KDM6A: variants seen among roughly 807,000 people sequenced by gnomAD.
KDM6A encodes lysine demethylase 6A.
In KDM6A, 11 loss-of-function variants were observed where a neutral mutation model predicts 117.6. The observed-to-expected ratio is 0.09, with a 90% CI of 0.06 to 0.15. The LOEUF (loss-of-function observed/expected upper bound fraction) is 0.15. KDM6A is among the 10% of genes least tolerant of loss of function. The probability of loss-of-function intolerance (pLI) is 1.00; values close to 1 mark genes in which losing one functional copy is unlikely to be tolerated. For synonymous variants in KDM6A, 384 were observed against 396.1 expected (o/e 0.97, Z 0.36); for missense variants, 799 against 1,077.3 (o/e 0.74, Z 3.62).
At chrX:45,044,088 A>T (rs776486151) in intron 8 of KDM6A, among the ~76,000 whole-genome samples, 14 of 112,290 alleles carry the variant, frequency 1.2e-4, no homozygotes, top group African/African-American at 4.5e-4. Flanking sequence ...TATAGCTTAG[A>T]TGTGTAGTAG....
At chrX:44,957,371 A>G (rs1281430182) in intron 2 of KDM6A, among the ~76,000 whole-genome samples, 1 of 112,097 alleles carries the variant, frequency 8.9e-6, no homozygotes, top group Non-Finnish European at 1.9e-5. Context: ...TTAGCAAGGC[A>G]CTGACCAAGT....
At chrX:45,066,100 G>T (rs1443301142) in intron 17 of KDM6A, among the ~76,000 whole-genome samples, 1 of 111,977 alleles carries the variant, frequency 8.9e-6, no homozygotes, top group African/African-American at 3.2e-5. Flanking sequence ...ATATGATACT[G>T]GGTGACCCAC....
intron 8 of KDM6A, among the ~76,000 whole-genome samples, chrX:45,050,850 A>G (rs2043809832): frequency 1.8e-5 from 2 of 111,449 alleles, no homozygotes; most frequent in African/African-American, 6.5e-5. Context: ...TCTTACAGAC[A>G]TTGTTAGGCT....
At chrX:45,027,459 G>A (rs17147066) in intron 6 of KDM6A, among the ~76,000 whole-genome samples, 24,017 of 110,575 alleles carry the variant, frequency 0.22, 4,336 homozygotes, top group African/African-American at 0.61. Context: ...ACCTCTTTCA[G>A]CTGGCATTTT....
At chrX:45,009,785 G>A (rs1407974460) in intron 4 of KDM6A, among the ~76,000 whole-genome samples, 4 of 111,618 alleles carry the variant, frequency 3.6e-5, no homozygotes, top group Non-Finnish European at 7.5e-5. Context: ...GCAGGCTTGA[G>A]TCCCAGTTGC....
At chrX:45,089,971 G>C in intron 26 of KDM6A, 41 bp downstream of exon 26, 1 of 1,081,942 alleles carries the variant, frequency 9.2e-7, no homozygotes. Flanking sequence ...AATTTATAAA[G>C]GATTATATCC....
intron 4 of KDM6A, among the ~76,000 whole-genome samples, chrX:45,001,153 G>GA (rs1357882542): frequency 8.9e-6 from 1 of 111,829 alleles, no homozygotes; most frequent in Non-Finnish European, 1.9e-5. Context: ...GGGGATCAAA[G>GA]AAACTCATTT....
intron 2 of KDM6A, among the ~76,000 whole-genome samples, chrX:44,940,290 G>GT (rs1256112823): frequency 2.7e-5 from 3 of 111,268 alleles, no homozygotes; most frequent in Non-Finnish European, 5.7e-5. Context: ...CTGACCTCAA[G>GT]TGATCCGTCC....
chrX:45,089,394 C>T (rs953518495), intron 25 of KDM6A, among the ~76,000 whole-genome samples: 1 of 110,003 alleles, frequency 9.1e-6, no homozygotes. Flanking sequence ...GGCGTGGTGG[C>T]AGGTGCCTGT....
At chrX:45,016,359 G>T (rs1362642941) in intron 5 of KDM6A, among the ~76,000 whole-genome samples, 1 of 111,000 alleles carries the variant, frequency 9.0e-6, no homozygotes, top group Non-Finnish European at 1.9e-5. Context: ...GAAAATTTGT[G>T]GAATTAGTTG....
chrX:44,968,709 TCC>T (rs1275577117), intron 3 of KDM6A, among the ~76,000 whole-genome samples: 4 of 112,016 alleles, frequency 3.6e-5, no homozygotes, highest in Admixed American at 9.5e-5. Flanking sequence ...AGTGGCTCAC[TCC>T]TTTAATCCCA....
At chrX:45,004,763 A>AT (rs1221780497) in intron 4 of KDM6A, among the ~76,000 whole-genome samples, 2 of 111,215 alleles carry the variant, frequency 1.8e-5, no homozygotes, top group African/African-American at 6.5e-5. Flanking sequence ...CAGGCGGGGA[A>AT]TTTCTGGTCC....
chrX:44,943,754 T>A (rs979875865), intron 2 of KDM6A, among the ~76,000 whole-genome samples: 7 of 112,185 alleles, frequency 6.2e-5, no homozygotes, highest in African/African-American at 2.3e-4. Flanking sequence ...CTATAAACAT[T>A]CATGTATAGG....
rs1023313674 is a variant in KDM6A at position 45,076,932 on chromosome X, T to C, written c.2988+106T>C. ...TGCCCTTTAGGAAACATTACAATTA[T>C]TGGCAGCAGATTAAATAGTTTGGGG... On this transcript the variant is annotated intron_variant, in intron 19 of 29. Coordinates refer to ENST00000611820, the MANE Select transcript of KDM6A (RefSeq NM_001291415.2). The C allele has an allele frequency of 9.3e-6, 7 of 750,195 alleles. No individual in the cohort carries two copies. The African/African-American group carries it at 1.3e-4, about 14-fold the overall frequency. The allele number at this position is 750,195 out of a possible 1,213,427, so 61.8% of individuals were successfully genotyped here.
intron 27 of KDM6A, among the ~76,000 whole-genome samples, chrX:45,092,948 G>A (rs2045951301): frequency 9.0e-6 from 1 of 111,078 alleles, no homozygotes; most frequent in Admixed American, 9.6e-5. Context: ...GAAGAGTGAT[G>A]GTGATAAACT....
At chrX:45,029,013 A>G (rs1012511178) in intron 6 of KDM6A, among the ~76,000 whole-genome samples, 7 of 112,424 alleles carry the variant, frequency 6.2e-5, no homozygotes, top group Non-Finnish European at 1.3e-4. Flanking sequence ...CTCTTCTAGT[A>G]TATTTTAACT....
intron 8 of KDM6A, among the ~76,000 whole-genome samples, chrX:45,050,182 A>C (rs1297817719): frequency 8.9e-6 from 1 of 112,808 alleles, no homozygotes; most frequent in Non-Finnish European, 1.9e-5. Flanking sequence ...TCTACTAAAA[A>C]TACAAAAGTA....
At chrX:45,104,024 C>CTT (rs761228898) in intron 27 of KDM6A, among the ~76,000 whole-genome samples, 90 of 94,577 alleles carry the variant, frequency 9.5e-4, no homozygotes, top group African/African-American at 3.3e-3. Flanking sequence ...AAATTGAATT[C>CTT]TTTTTTTTTT....
chrX:44,936,133 A>C (rs553311093), intron 2 of KDM6A, among the ~76,000 whole-genome samples: 7 of 112,042 alleles, frequency 6.2e-5, no homozygotes, highest in African/African-American at 2.3e-4. Context: ...GTGGAGAATC[A>C]GTTCCTTGCC....
Sources: gnomAD v4.1 joint callset for allele counts (sites outside exome capture counted in the v4.1 genomes callset) on GRCh38, gnomAD v4.1.1 for gene constraint, MANE v1.5 for transcripts, NCBI Gene and HGNC (gene_info 2026-07-23, HGNC 2026-07-21) for gene names.